Variants in RPS6KC1 observed in about 807,000 individuals in gnomAD.
RPS6KC1 encodes inactive ribosomal protein S6 kinase delta-1.
Under a neutral mutation model 103.8 loss-of-function variants are expected in RPS6KC1, and 54 were observed. That is an observed-to-expected ratio of 0.52 (90% CI 0.42 to 0.65). The LOEUF is 0.65. RPS6KC1 is among the 30% of genes least tolerant of loss of function. The pLI, the probability that RPS6KC1 is intolerant of heterozygous loss-of-function variation, is 0.00. For missense variants in RPS6KC1, 1,151 were observed against 1,253.8 expected (o/e 0.92, Z 1.24); for synonymous variants, 439 against 438.7 (o/e 1.00, Z -0.01).
the RPS6KC1 span, among the ~76,000 whole-genome samples, chr1:213,815,956 G>T: frequency 1.3e-5 from 2 of 152,194 alleles, no homozygotes; most frequent in African/African-American, 2.4e-5. Context: ...AGAAGCCATT[G>T]TAGGGTTATT....
the RPS6KC1 span, chr1:213,821,390 C>T: frequency 6.6e-6 from 1 of 152,234 alleles, no homozygotes; most frequent in Non-Finnish European, 1.5e-5. Context: ...AGGAAGCAGA[C>T]ACTGGAGAGA....
intron 3 of RPS6KC1, among the ~76,000 whole-genome samples, chr1:213,089,468 T>TG (rs1005385004): frequency 1.3e-4 from 20 of 151,972 alleles, no homozygotes; most frequent in Admixed American, 4.6e-4. Flanking sequence ...GCTGTTTGTT[T>TG]TTTTTTTTTT....
At chr1:213,128,954 A>G (rs1046467096) in intron 5 of RPS6KC1, among the ~76,000 whole-genome samples, 1 of 152,176 alleles carries the variant, frequency 6.6e-6, no homozygotes, top group East Asian at 1.9e-4. Context: ...AAAGACTTGC[A>G]TAATAAGTAA....
At chr1:213,790,002 A>T in the RPS6KC1 span, among the ~76,000 whole-genome samples, 1 of 152,172 alleles carries the variant, frequency 6.6e-6, no homozygotes, top group Non-Finnish European at 1.5e-5. Flanking sequence ...AATCCAAAAC[A>T]TTATAGTCTA....
chr1:213,689,178 T>A, the RPS6KC1 span, among the ~76,000 whole-genome samples: 1 of 152,226 alleles, frequency 6.6e-6, no homozygotes, highest in East Asian at 1.9e-4. Context: ...TCCCTCTTTC[T>A]GGATGTTAGA....
chr1:213,084,279 A>G (rs556280611), intron 3 of RPS6KC1, among the ~76,000 whole-genome samples: 7 of 151,454 alleles, frequency 4.6e-5, no homozygotes, highest in Non-Finnish European at 1.0e-4. Flanking sequence ...TTTCTTTTCT[A>G]ACTTTTTTGA....
At chr1:213,746,357 G>A in the RPS6KC1 span, among the ~76,000 whole-genome samples, 2 of 152,218 alleles carry the variant, frequency 1.3e-5, no homozygotes, top group Non-Finnish European at 2.9e-5. Flanking sequence ...CCAGGCAGAA[G>A]GAACTGCTAA....
At chr1:213,512,025 G>C in the RPS6KC1 span, among the ~76,000 whole-genome samples, 1 of 152,198 alleles carries the variant, frequency 6.6e-6, no homozygotes, top group African/African-American at 2.4e-5. Context: ...AAATGAGCAT[G>C]TGAGGCCTTG....
chr1:213,719,576 T>C, the RPS6KC1 span, among the ~76,000 whole-genome samples: 218 of 152,236 alleles, frequency 1.4e-3, 1 homozygote, highest in Middle Eastern at 6.8e-3. Flanking sequence ...AAACATCTCT[T>C]GAACATGAAG....
the RPS6KC1 span, among the ~76,000 whole-genome samples, chr1:213,512,581 A>G: frequency 6.6e-6 from 1 of 152,170 alleles, no homozygotes; most frequent in Non-Finnish European, 1.5e-5. Flanking sequence ...TTCCAGCAGG[A>G]TTAGGGTTGG....
At chr1:213,455,960 C>T in the RPS6KC1 span, among the ~76,000 whole-genome samples, 4 of 152,170 alleles carry the variant, frequency 2.6e-5, no homozygotes, top group African/African-American at 4.8e-5. Context: ...CCACCTTACC[C>T]GTGGGGTAAC....
the RPS6KC1 span, among the ~76,000 whole-genome samples, chr1:213,690,794 A>G: frequency 2.0e-5 from 3 of 152,184 alleles, no homozygotes; most frequent in African/African-American, 7.2e-5. Context: ...AGGTTAAATA[A>G]AATAATGCAA....
the RPS6KC1 span, among the ~76,000 whole-genome samples, chr1:213,674,513 A>G: frequency 3.9e-5 from 6 of 152,316 alleles, no homozygotes; most frequent in African/African-American, 1.4e-4. Flanking sequence ...GTGTATATAT[A>G]CACCACATTT....
chr1:213,256,914 G>A (rs747887227), intron 12 of RPS6KC1, among the ~76,000 whole-genome samples: 8 of 152,212 alleles, frequency 5.3e-5, no homozygotes, highest in Non-Finnish European at 2.9e-5. Context: ...GTACTTGACT[G>A]TAGAGGTGAT....
the RPS6KC1 span, among the ~76,000 whole-genome samples, chr1:213,652,247 G>T: frequency 6.6e-6 from 1 of 152,202 alleles, no homozygotes; most frequent in African/African-American, 2.4e-5. Flanking sequence ...GCCTGGCACT[G>T]TGTTAAGGGC....
chr1:213,602,086 T>TTCTTTC, the RPS6KC1 span, among the ~76,000 whole-genome samples: 9 of 38,350 alleles, frequency 2.3e-4, 1 homozygote, highest in African/African-American at 1.3e-3. Context: ...TTCTCTTTCT[T>TTCTTTC]TCTTTCTTTC....
the RPS6KC1 span, among the ~76,000 whole-genome samples, chr1:213,426,642 A>G: frequency 1.3e-5 from 2 of 152,212 alleles, no homozygotes; most frequent in African/African-American, 4.8e-5. Context: ...GGATACCAGT[A>G]TTCACTATCT....
chr1:213,282,925 C>T, the RPS6KC1 span, among the ~76,000 whole-genome samples: 1 of 152,188 alleles, frequency 6.6e-6, no homozygotes, highest in Admixed American at 6.5e-5. Context: ...ATGATATGCT[C>T]TGTGTTTTAC....
chr1:213,680,683 T>A, the RPS6KC1 span, among the ~76,000 whole-genome samples: 1 of 152,086 alleles, frequency 6.6e-6, no homozygotes, highest in East Asian at 1.9e-4. Flanking sequence ...GAGGGAAGGA[T>A]GTAAGGCAAG....
Sources: allele counts gnomAD v4.1 joint callset (sites outside exome capture counted in the v4.1 genomes callset), GRCh38; gene constraint gnomAD v4.1.1; transcripts MANE v1.5; gene names NCBI Gene and HGNC (gene_info 2026-07-23, HGNC 2026-07-21).